Variants in TTC7B observed in about 807,000 individuals in gnomAD.
TTC7B encodes the protein tetratricopeptide repeat protein 7B.
Under a neutral mutation model 106.8 loss-of-function variants are expected in TTC7B, and 28 were observed. The observed-to-expected ratio is 0.26, with a 90% CI of 0.19 to 0.36. TTC7B has a LOEUF of 0.36. Ranked by LOEUF, TTC7B falls within the 10% of genes least tolerant of loss-of-function variation. The pLI is 1.00. For missense variants in TTC7B, 862 were observed against 1,076.4 expected (o/e 0.80, Z 2.79); for synonymous variants, 405 against 430.6 (o/e 0.94, Z 0.74).
chr14:90,723,432 A>T (rs1726029362), intron 5 of TTC7B, among the ~76,000 whole-genome samples: 1 of 152,196 alleles, frequency 6.6e-6, no homozygotes, highest in Admixed American at 6.5e-5. Flanking sequence ...TATGCTGCAC[A>T]GTGGACCTTC....
chr14:90,713,657 C>T (rs1888533981), intron 5 of TTC7B, among the ~76,000 whole-genome samples: 1 of 152,116 alleles, frequency 6.6e-6, no homozygotes. Context: ...CACAAACTTA[C>T]CATATGACCC....
intron 9 of TTC7B, among the ~76,000 whole-genome samples, chr14:90,659,892 G>A (rs1458837857): frequency 6.6e-6 from 1 of 152,124 alleles, no homozygotes; most frequent in African/African-American, 2.4e-5. Flanking sequence ...AGATAAATTA[G>A]GTCCCAGAAG....
intron 14 of TTC7B, among the ~76,000 whole-genome samples, chr14:90,644,458 C>T (rs1394136152): frequency 6.6e-6 from 1 of 152,154 alleles, no homozygotes; most frequent in Admixed American, 6.5e-5. Context: ...ATACAGGAGA[C>T]CCTGTTTCTC....
chr14:90,610,725 T>C lies in TTC7B; in HGVS notation c.1966+17A>G, dbSNP rs754087475. 13 of 1,586,278 alleles carry C rather than the reference T, an allele frequency of 8.2e-6. No homozygotes were observed. The highest frequency in any genetic ancestry group is 7.8e-6 in the Non-Finnish European group (9 of 1,154,946). On this transcript the variant is annotated intron_variant, in intron 17 of 19. Coordinates refer to ENST00000328459, the MANE Select transcript of TTC7B (RefSeq NM_001010854.2). ...CTCCATTACACCATTTCGTCCCCTC[T>C]GGCTTTTTATTCTCACCTGTCTCGG...
intron 3 of TTC7B, among the ~76,000 whole-genome samples, chr14:90,772,176 C>T (rs1278500389): frequency 6.6e-6 from 1 of 151,852 alleles, no homozygotes; most frequent in African/African-American, 2.4e-5. Context: ...CAGGTACCAC[C>T]GTTCTGCAGG....
intron 2 of TTC7B, among the ~76,000 whole-genome samples, chr14:90,782,769 G>A (rs1300405588): frequency 6.6e-6 from 1 of 152,166 alleles, no homozygotes; most frequent in Non-Finnish European, 1.5e-5. Flanking sequence ...GGGGGAATGA[G>A]GAGTTAGCAT....
chr14:90,566,176 TCC>T (rs1294523507), intron 19 of TTC7B, among the ~76,000 whole-genome samples: 1 of 151,856 alleles, frequency 6.6e-6, no homozygotes, highest in Non-Finnish European at 1.5e-5. Flanking sequence ...ATATGTGGAA[TCC>T]CTGTCTCTAC....
rs1012208436 is a variant in TTC7B, at chr14:90,757,200, CT to C, written c.446-12279del. 5.3e-5 allele frequency among the ~76,000 whole-genome samples: 8 copies of C among 152,180 alleles called. No homozygotes were observed. Among genetic ancestry groups the C allele is most frequent in the African/African-American group, 1.9e-4 (8 of 41,434 alleles). ...AAAGAAAGCACCCCGGAAAGCTCCC[CT>C]GAACCACCCCGTTCCCTCCACTCAT... On this transcript the variant is annotated intron_variant, in intron 3 of 19. Transcript: ENST00000328459. This position sits in a 1 kb window ranked among gnomAD's most constrained non-coding sequence, Gnocchi z 4.1.
intron 19 of TTC7B, among the ~76,000 whole-genome samples, chr14:90,574,275 C>T (rs1891166612): frequency 6.6e-6 from 1 of 152,188 alleles, no homozygotes; most frequent in South Asian, 2.1e-4. Flanking sequence ...AAAAATAATA[C>T]AAAAATATGC....
chr14:90,766,441 G>A (rs1890684713), intron 3 of TTC7B: 1 of 599,544 alleles, frequency 1.7e-6, no homozygotes, highest in Non-Finnish European at 3.0e-6. Flanking sequence ...GAACAAAATT[G>A]AAATGTCAAA....
chr14:90,603,449 G>A, intron 17 of TTC7B: 1 of 459,376 alleles, frequency 2.2e-6, no homozygotes, highest in Non-Finnish European at 3.6e-6. Context: ...ATTCAAGAGT[G>A]GCACACATTT....
intron 1 of TTC7B, among the ~76,000 whole-genome samples, chr14:90,789,846 A>C (rs1290298826): frequency 1.3e-5 from 2 of 151,664 alleles, no homozygotes; most frequent in Non-Finnish European, 2.9e-5. Flanking sequence ...CAGTAAGCGG[A>C]GATCGCGCCA....
intron 16 of TTC7B, among the ~76,000 whole-genome samples, chr14:90,611,315 G>A (rs78850505): frequency 0.021 from 3,221 of 152,222 alleles, 41 homozygotes; most frequent in Middle Eastern, 0.044. Flanking sequence ...AACAACAGAC[G>A]CCTAGGTCCC....
At chr14:90,681,008 C>A (rs189116119) in intron 7 of TTC7B, among the ~76,000 whole-genome samples, 1 of 152,086 alleles carries the variant, frequency 6.6e-6, no homozygotes, top group Admixed American at 6.5e-5. Flanking sequence ...TTCTCTAATA[C>A]TGTAAGAATT....
intron 18 of TTC7B, among the ~76,000 whole-genome samples, chr14:90,587,918 G>A (rs1279789326): frequency 1.3e-5 from 2 of 152,296 alleles, no homozygotes; most frequent in East Asian, 1.9e-4. Context: ...CTTCACCTAT[G>A]GAATGGGGTG....
chr14:90,538,750 G>A lies in TTC7B; in HGVS notation c.*2618C>T, dbSNP rs551864510. ...CGGCAGGACTTTCCTGCATTTCTTA[G>A]GTACCTTTTAGGTAGAAGTGATGGA... On this transcript the variant is annotated 3_prime_UTR_variant, in exon 20 of 20. Transcript: ENST00000328459. The A allele has an allele frequency of 1.3e-5, 2 of 152,292 alleles. No individual in the cohort carries two copies. The highest frequency in any genetic ancestry group is 4.8e-5 in the African/African-American group (2 of 41,534). 9.4% of individuals were successfully genotyped at this position (152,292 alleles called of 1,614,324 possible). A position where few individuals can be genotyped will look rare whatever the true frequency, so the allele number is the denominator to read the frequency against.
Position 90,782,036 on chromosome 14 carries a change from T to C in TTC7B, c.277-1130A>G, listed in dbSNP as rs75839294. 2.0e-5 allele frequency among the ~76,000 whole-genome samples: 3 copies of C among 152,328 alleles called. No individual in the cohort carries two copies. The East Asian group carries it at 5.8e-4, about 29-fold the overall frequency. Reference sequence around the variant, plus strand: ...AAGCACACCATGAAACCGCACTATTTATACTGTAACCTAGAGCTTTGATGA... The same window carrying C: ...AAGCACACCATGAAACCGCACTATTCATACTGTAACCTAGAGCTTTGATGA... On this transcript the variant is annotated intron_variant, in intron 2 of 19. Transcript: ENST00000328459.
rs115796041 is a variant in TTC7B at position 90,719,157 on chromosome 14, T to C, written c.698+10918A>G. 2.6e-3 allele frequency among the ~76,000 whole-genome samples: 398 copies of C among 152,020 alleles called. 2 individuals are homozygous for C. Among genetic ancestry groups the C allele is most frequent in the African/African-American group, 9.1e-3 (379 of 41,458 alleles). On this transcript the variant is annotated intron_variant, in intron 5 of 19. Coordinates refer to ENST00000328459, the MANE Select transcript of TTC7B (RefSeq NM_001010854.2). ...TGGGCCTGGTGGCACGCACCTGCAG[T>C]CCCAGCTATTTGAGGTTGACATGGG...
At chr14:90,704,755 G>T (rs1888137002) in intron 5 of TTC7B, among the ~76,000 whole-genome samples, 1 of 152,144 alleles carries the variant, frequency 6.6e-6, no homozygotes, top group South Asian at 2.1e-4. Flanking sequence ...GAAGAAAGAT[G>T]GTGTCGGGGA....
Sources: gnomAD v4.1 joint callset for allele counts (sites outside exome capture counted in the v4.1 genomes callset) on GRCh38, gnomAD v4.1.1 for gene constraint, Gnocchi (gnomAD v3.1) non-coding constraint, MANE v1.5 for transcripts, NCBI Gene and HGNC (gene_info 2026-07-23, HGNC 2026-07-21) for gene names.